SYDE2: variants seen among roughly 807,000 people sequenced by gnomAD.
The protein encoded by SYDE2 is rho GTPase-activating protein SYDE2.
Under a neutral mutation model 91.5 loss-of-function variants are expected in SYDE2, and 76 were observed. That is an observed-to-expected ratio of 0.83 (90% CI 0.69 to 1.01). The LOEUF (loss-of-function observed/expected upper bound fraction) is 1.01. Among genes scored for constraint, SYDE2 ranks in the 50% least tolerant of loss-of-function variants. The pLI is 0.00. For synonymous variants in SYDE2, 513 were observed against 506.4 expected, an observed-to-expected ratio of 1.01 and a Z score of -0.18; for missense variants, 1,364 against 1,367.7, an observed-to-expected ratio of 1.00 and a Z score of 0.04.
intron 6 of SYDE2, among the ~76,000 whole-genome samples, chr1:85,163,824 T>C (rs757598437): frequency 6.6e-6 from 1 of 152,152 alleles, no homozygotes; most frequent in Non-Finnish European, 1.5e-5. Context: ...TTAAATGCAG[T>C]GTCCTTTATA....
At position 85,190,058 on chromosome 1, in the gene SYDE2, T is replaced by G. The variant is rs953823864; in HGVS notation, c.1440A>C (p.Ala480=). 6.3e-7 allele frequency: 1 copy of G among 1,585,496 alleles called. No individual in the cohort carries two copies. Among genetic ancestry groups the G allele is most frequent in the South Asian group, 1.1e-5 (1 of 87,374 alleles). The part of the protein sequence containing the change: ...EDSPMLKSPF[A]GSGILAATNS... ...AGACACATATATGATCATTTTTACC[T>G]GCAAAAGGAGATTTCAACATGGGAC... The change falls in exon 2 of 7, where the codon GCA becomes GCC. Residue 480 remains alanine, a splice_region_variant and synonymous_variant. Coordinates refer to ENST00000341460, the MANE Select transcript of SYDE2 (RefSeq NM_032184.2).
intron 5 of SYDE2, among the ~76,000 whole-genome samples, chr1:85,166,897 G>T (rs1472318926): frequency 2.6e-5 from 4 of 152,082 alleles, no homozygotes; most frequent in Non-Finnish European, 4.4e-5. Context: ...GCCAAAAAAT[G>T]TAATTGTCAT....
intron 4 of SYDE2, 28 bp from the exon 5 acceptor site, chr1:85,169,253 G>A: frequency 6.4e-7 from 1 of 1,571,370 alleles, no homozygotes; most frequent in Non-Finnish European, 8.7e-7. Flanking sequence ...CAGACAGTTG[G>A]TGATTGGACT....
chr1:85,179,293 T>G (rs1041925633), intron 3 of SYDE2, among the ~76,000 whole-genome samples: 6 of 152,112 alleles, frequency 3.9e-5, no homozygotes, highest in African/African-American at 1.4e-4. Context: ...ATGCAATAAA[T>G]GATCTAGAGG....
rs777896771 is a variant in SYDE2 at position 85,200,639 on chromosome 1, G to A, written c.358C>T (p.Pro120Ser). Residue 120 changes from proline to serine, a missense_variant, in exon 1 of 7, where the codon CCG becomes TCG. Physicochemically the swap from Pro to Ser is moderately conservative, Grantham distance 74. Coordinates refer to ENST00000341460, the MANE Select transcript of SYDE2 (RefSeq NM_032184.2). ...CCGTCCATCCTGCCTCCACGTGGCG[G>A]GGGCTCGTCCCAGTCCCGGTGCGCG... is the stretch of plus-strand genomic sequence containing the variant. ...CGAHRDWDEP[P>S]PRGGRMDGWS... 7.1e-5 allele frequency: 110 copies of A among 1,544,058 alleles called. No homozygotes were observed. Among genetic ancestry groups the A allele is most frequent in the Non-Finnish European group, 9.5e-5 (109 of 1,150,284 alleles).
At chr1:85,187,189 C>T (rs373447951) in intron 2 of SYDE2, among the ~76,000 whole-genome samples, 5 of 151,894 alleles carry the variant, frequency 3.3e-5, no homozygotes, top group South Asian at 2.1e-4. Context: ...AACAACCCCA[C>T]CAAAAAGTGG....
intron 1 of SYDE2, among the ~76,000 whole-genome samples, chr1:85,196,535 C>A (rs1658593527): frequency 6.6e-6 from 1 of 151,254 alleles, no homozygotes; most frequent in Admixed American, 6.6e-5. Context: ...CTGTTTTCTG[C>A]TGAATTTGTA....
At chr1:85,159,308 A>C in intron 6 of SYDE2, 59 bp from the exon 7 acceptor site, 1 of 735,748 alleles carries the variant, frequency 1.4e-6, no homozygotes, top group South Asian at 1.5e-5. Context: ...TTAAAAAAAA[A>C]ACAGAGCTAA....
At chr1:85,192,244 C>T (rs1321289995) in intron 1 of SYDE2, among the ~76,000 whole-genome samples, 2 of 151,784 alleles carry the variant, frequency 1.3e-5, no homozygotes, top group Non-Finnish European at 2.9e-5. Context: ...CCTATCTCTA[C>T]AAAAAATTTA....
intron 6 of SYDE2, 140 bp from the exon 7 acceptor site, chr1:85,159,389 A>G (rs573194194): frequency 1.1e-5 from 7 of 634,312 alleles, no homozygotes; most frequent in South Asian, 7.4e-5. Context: ...AAAAGAAAGC[A>G]TTCCATAATT....
chr1:85,161,808 T>C (rs915091819), intron 6 of SYDE2, among the ~76,000 whole-genome samples: 19 of 152,096 alleles, frequency 1.2e-4, no homozygotes, highest in African/African-American at 3.6e-4. Context: ...TATCCATCTT[T>C]AAAGTGATAG....
chr1:85,159,269 T>C lies in SYDE2; in HGVS notation c.3086-20A>G. On this transcript the variant is annotated intron_variant, in intron 6 of 6. Coordinates refer to ENST00000341460, the MANE Select transcript of SYDE2 (RefSeq NM_032184.2). ...GCTGCACTAGAAACAAACAATAATT[T>C]TGCTTTAGTGACAGTAATCCAACTG... 1 of 773,060 alleles carries C rather than the reference T, an allele frequency of 1.3e-6. No homozygotes were observed. Among genetic ancestry groups the C allele is most frequent in the Non-Finnish European group, 2.4e-6 (1 of 416,762 alleles). 47.9% of individuals were successfully genotyped at this position (773,060 alleles called of 1,614,324 possible). A position where few individuals can be genotyped will look rare whatever the true frequency, so the allele number is the denominator to read the frequency against.
At chr1:85,194,701 C>CA in intron 1 of SYDE2, 1 of 466,598 alleles carries the variant, frequency 2.1e-6, no homozygotes, top group Non-Finnish European at 2.8e-6. Flanking sequence ...GTTTTTCACT[C>CA]AGAAAAATAT....
rs1656895855 is a variant in SYDE2 at position 85,156,949 on chromosome 1, A to G, written c.*1801T>C. 1 of 152,044 alleles carries G rather than the reference A, an allele frequency of 6.6e-6. No homozygotes were observed. Among genetic ancestry groups the G allele is most frequent in the African/African-American group, 2.4e-5 (1 of 41,442 alleles). 9.4% of individuals were successfully genotyped at this position (152,044 alleles called of 1,614,324 possible). ...CATGATATAGCAACAAAAGGAAGGA[A>G]ACTGAGACAGCTTTCCTATAAAACA... On this transcript the variant is annotated 3_prime_UTR_variant, in exon 7 of 7. Transcript: ENST00000341460.
At chr1:85,177,445 CT>C (rs1409439610) in intron 4 of SYDE2, among the ~76,000 whole-genome samples, 1 of 152,238 alleles carries the variant, frequency 6.6e-6, no homozygotes, top group African/African-American at 2.4e-5. Context: ...CATAATCTTT[CT>C]TGACACTTCC....
chr1:85,191,025 C>G (rs1475090914), intron 1 of SYDE2, among the ~76,000 whole-genome samples: 2 of 151,926 alleles, frequency 1.3e-5, no homozygotes, highest in Non-Finnish European at 2.9e-5. Context: ...ATAGTGCTAA[C>G]AAAGCCTTAC....
intron 4 of SYDE2, among the ~76,000 whole-genome samples, chr1:85,173,835 T>C (rs1335756759): frequency 2.0e-5 from 3 of 152,202 alleles, no homozygotes; most frequent in African/African-American, 7.2e-5. Context: ...ATTATAACTG[T>C]ATTTCATATG....
chr1:85,179,046 T>C (rs1045078123), intron 3 of SYDE2, among the ~76,000 whole-genome samples: 3 of 152,134 alleles, frequency 2.0e-5, no homozygotes, highest in Admixed American at 2.0e-4. Flanking sequence ...AGAATAAACA[T>C]GATCTCTGTA....
At chr1:85,162,513 C>T (rs1657100418) in intron 6 of SYDE2, among the ~76,000 whole-genome samples, 1 of 152,070 alleles carries the variant, frequency 6.6e-6, no homozygotes, top group Non-Finnish European at 1.5e-5. Flanking sequence ...TGAGGTACTA[C>T]AACTAAAGAA....
Sources: allele counts gnomAD v4.1 joint callset (sites outside exome capture counted in the v4.1 genomes callset), GRCh38; gene constraint gnomAD v4.1.1; transcripts MANE v1.5; gene names NCBI Gene and HGNC (gene_info 2026-07-23, HGNC 2026-07-21).